The following DOCK5 variants were observed in gnomAD, a reference collection of about 807,000 sequenced individuals.
DOCK5 encodes dedicator of cytokinesis 5.
In DOCK5, 142 loss-of-function variants were observed where a neutral mutation model predicts 251.8. That is an observed-to-expected ratio of 0.56 (90% CI 0.49 to 0.65). The LOEUF (loss-of-function observed/expected upper bound fraction) is 0.65. Ranked by LOEUF, DOCK5 falls within the 30% of genes least tolerant of loss-of-function variation. The pLI, the probability that DOCK5 is intolerant of heterozygous loss-of-function variation, is 0.00. For synonymous variants in DOCK5, 842 were observed against 835.5 expected (o/e 1.01, Z -0.13); for missense variants, 2,111 against 2,312.3 (o/e 0.91, Z 1.79).
chr8:25,344,525 G>A (rs1800323120), intron 25 of DOCK5, among the ~76,000 whole-genome samples: 1 of 152,214 alleles, frequency 6.6e-6, no homozygotes, highest in Non-Finnish European at 1.5e-5. Flanking sequence ...CTGGACAAAT[G>A]AGTGGCCTTC....
intron 1 of DOCK5, among the ~76,000 whole-genome samples, chr8:25,219,844 G>A (rs909148241): frequency 3.6e-4 from 53 of 148,036 alleles, no homozygotes; most frequent in African/African-American, 1.1e-3. Context: ...TCGTCTTTCC[G>A]TTATTTGTGC....
chr8:25,410,148 T>C lies in DOCK5; in HGVS notation c.5454T>C (p.Pro1818=). ...TDGIAATPVP[P]PPPPKSKPYE... ...GAATCGCGGCCACTCCTGTCCCACC[T>C]CCACCTCCCCCCAAAAGCAAGCCCT... Residue 1818 remains proline, a synonymous_variant, in exon 51 of 52, where the codon CCT becomes CCC. Transcript: ENST00000276440. 6.2e-7 allele frequency: 1 copy of C among 1,613,430 alleles called. No homozygotes were observed. The highest frequency in any genetic ancestry group is 8.5e-7 in the Non-Finnish European group (1 of 1,179,768).
intron 16 of DOCK5, among the ~76,000 whole-genome samples, chr8:25,322,644 G>A (rs1805456408): frequency 6.6e-6 from 1 of 152,202 alleles, no homozygotes; most frequent in Non-Finnish European, 1.5e-5. Flanking sequence ...ACATGGTCCT[G>A]TTTAGTATCC....
At chr8:25,257,653 A>G (rs1803453133) in intron 2 of DOCK5, among the ~76,000 whole-genome samples, 1 of 152,098 alleles carries the variant, frequency 6.6e-6, no homozygotes, top group African/African-American at 2.4e-5. Flanking sequence ...ACTCTTACCC[A>G]GTGGTCTCGT....
intron 1 of DOCK5, among the ~76,000 whole-genome samples, chr8:25,219,558 G>T (rs1196503194): frequency 6.6e-6 from 1 of 152,144 alleles, no homozygotes; most frequent in Non-Finnish European, 1.5e-5. Context: ...TTTGAGGAAA[G>T]GTTCCGTGGT....
chr8:25,312,202 T>C (rs1805116843), intron 13 of DOCK5, among the ~76,000 whole-genome samples: 1 of 152,176 alleles, frequency 6.6e-6, no homozygotes, highest in Admixed American at 6.5e-5. Flanking sequence ...TGTTTTGTCT[T>C]CTTGTTAAGG....
chr8:25,199,762 C>A (rs1254665095), intron 1 of DOCK5, among the ~76,000 whole-genome samples: 4 of 152,214 alleles, frequency 2.6e-5, no homozygotes, highest in African/African-American at 9.6e-5. Flanking sequence ...CATGCAGAGA[C>A]AATCACTGTC....
chr8:25,323,404 T>C (rs971529139), intron 16 of DOCK5, among the ~76,000 whole-genome samples: 1 of 152,200 alleles, frequency 6.6e-6, no homozygotes, highest in Non-Finnish European at 1.5e-5. Context: ...GGAAACCTCA[T>C]TCCAACATAG....
chr8:25,336,918 G>T (rs1182186309), intron 22 of DOCK5, among the ~76,000 whole-genome samples: 1 of 152,086 alleles, frequency 6.6e-6, no homozygotes, highest in African/African-American at 2.4e-5. Flanking sequence ...CTACCCTTCA[G>T]AAATAGCTGT....
chr8:25,324,722 C>CCATGTT (rs1563202322), intron 17 of DOCK5, among the ~76,000 whole-genome samples: 1 of 152,036 alleles, frequency 6.6e-6, no homozygotes, highest in African/African-American at 2.4e-5. Context: ...TATACATGTG[C>CCATGTT]CATGTTGGTG....
At chr8:25,286,770 C>G (rs542959218) in intron 5 of DOCK5, among the ~76,000 whole-genome samples, 2 of 152,092 alleles carry the variant, frequency 1.3e-5, no homozygotes, top group African/African-American at 4.8e-5. Flanking sequence ...CTCAAGCAAT[C>G]CTCCCACCTC....
intron 1 of DOCK5, among the ~76,000 whole-genome samples, chr8:25,196,762 C>T (rs1331848435): frequency 6.6e-6 from 1 of 152,062 alleles, no homozygotes; most frequent in South Asian, 2.1e-4. Context: ...GTATTCAATG[C>T]AATGACGTTA....
rs542157597 is a variant in DOCK5 at position 25,356,549 on chromosome 8, C to A, written c.2851-2414C>A. Among the ~76,000 whole-genome samples the A allele has an allele frequency of 5.9e-4, 90 of 152,122 alleles. 4 individuals carry two copies. In the South Asian group the frequency reaches 0.018, roughly 31 times the overall value. On this transcript the variant is annotated intron_variant, in intron 27 of 51. Coordinates refer to ENST00000276440, the MANE Select transcript of DOCK5 (RefSeq NM_024940.8). Reference sequence around the variant, plus strand: ...AGGCATGGTGACATGCGCCTGTAATCCCAGCTACTCAGGAGGCTAAGATGT... The same window carrying A: ...AGGCATGGTGACATGCGCCTGTAATACCAGCTACTCAGGAGGCTAAGATGT...
chr8:25,237,210 A>T (rs892244089), intron 1 of DOCK5, among the ~76,000 whole-genome samples: 5 of 151,874 alleles, frequency 3.3e-5, no homozygotes, highest in Non-Finnish European at 7.4e-5. Flanking sequence ...CTACAAAAAA[A>T]TTTTAAAAAT....
At chr8:25,368,171 A>G (rs1800811854) in intron 31 of DOCK5, 21 bp from the exon 32 acceptor site, 2 of 1,595,672 alleles carry the variant, frequency 1.3e-6, no homozygotes, top group East Asian at 2.2e-5. Context: ...TCCTCCTTCT[A>G]GTTTATGATC....
chr8:25,373,577 G>T, intron 35 of DOCK5, 41 bp from the exon 36 acceptor site: 1 of 1,555,108 alleles, frequency 6.4e-7, no homozygotes, highest in South Asian at 1.2e-5. Context: ...AATAGCTCTT[G>T]ATTTATGTTG....
intron 1 of DOCK5, among the ~76,000 whole-genome samples, chr8:25,202,595 C>A (rs1487539906): frequency 6.6e-6 from 1 of 152,164 alleles, no homozygotes; most frequent in Non-Finnish European, 1.5e-5. Context: ...TCTTGCTGGG[C>A]TGGATGGTGG....
In DOCK5 at chr8:25,410,184, C is replaced by T; in HGVS notation, c.5490C>T (p.Ser1830=). ...CCAAAAGCAAGCCCTATGAAGGCAG[C>T]CAGAGGAACTCCACTGAGGTAGGGA... ...PPPKSKPYEG[S]QRNSTELAPP... Residue 1830 remains serine (S), a synonymous_variant, in exon 51 of 52, where the codon AGC becomes AGT. Transcript: ENST00000276440. The T allele has an allele frequency of 6.2e-7, 1 of 1,613,472 alleles. No individual in the cohort carries two copies. Among genetic ancestry groups the T allele is most frequent in the Non-Finnish European group, 8.5e-7 (1 of 1,179,738 alleles).
chr8:25,382,804 AG>A, intron 40 of DOCK5, 26 bp downstream of exon 40: 1 of 1,568,652 alleles, frequency 6.4e-7, no homozygotes. Context: ...GTGGTCTCCC[AG>A]GCCATTAGGA....
Sources: allele counts gnomAD v4.1 joint callset (sites outside exome capture counted in the v4.1 genomes callset), GRCh38; gene constraint gnomAD v4.1.1; transcripts MANE v1.5; gene names NCBI Gene and HGNC (gene_info 2026-07-23, HGNC 2026-07-21).